The following MXI1 variants were observed in gnomAD, a reference collection of about 807,000 sequenced individuals.
MXI1 encodes max-interacting protein 1.
A neutral mutation model predicts 36.9 loss-of-function variants in MXI1; 18 were observed. That is an observed-to-expected ratio of 0.49 (90% CI 0.34 to 0.72). The LOEUF is 0.72. MXI1 is among the 30% of genes least tolerant of loss of function. MXI1 has a pLI of 0.01. For synonymous variants in MXI1, 160 were observed against 146.7 expected (o/e 1.09, Z -0.65); for missense variants, 304 against 379.1 (o/e 0.80, Z 1.64).
chr10:110,282,057 A>G (rs1469307034), intron 5 of MXI1, among the ~76,000 whole-genome samples: 1 of 152,154 alleles, frequency 6.6e-6, no homozygotes, highest in Non-Finnish European at 1.5e-5. Flanking sequence ...GGTTATCCTG[A>G]AATAAAGTTC....
At chr10:110,235,317 T>G (rs181997639) in intron 2 of MXI1, among the ~76,000 whole-genome samples, 92 of 152,292 alleles carry the variant, frequency 6.0e-4, no homozygotes, top group Admixed American at 8.5e-4. Flanking sequence ...CAGAAAAACA[T>G]TGATATTTTA....
At chr10:110,219,125 C>A (rs1854731230) in intron 1 of MXI1, among the ~76,000 whole-genome samples, 1 of 152,042 alleles carries the variant, frequency 6.6e-6, no homozygotes, top group African/African-American at 2.4e-5. Context: ...TATGGTGAAA[C>A]CCTGTCTCTA....
chr10:110,215,044 T>G (rs1187976296), intron 1 of MXI1, among the ~76,000 whole-genome samples: 5 of 52,306 alleles, frequency 9.6e-5, no homozygotes, highest in East Asian at 6.7e-4. Context: ...TTTTTTTTTG[T>G]TTTTTTTTTT....
intron 2 of MXI1, among the ~76,000 whole-genome samples, chr10:110,231,035 C>T (rs1855238656): frequency 6.6e-6 from 1 of 151,936 alleles, no homozygotes; most frequent in Non-Finnish European, 1.5e-5. Context: ...ACTATTTTAC[C>T]CCTGATATTC....
At chr10:110,262,598 A>AT (rs111344197) in intron 3 of MXI1, among the ~76,000 whole-genome samples, 7 of 151,888 alleles carry the variant, frequency 4.6e-5, no homozygotes, top group Non-Finnish European at 4.4e-5. Flanking sequence ...TTAAAAAAAG[A>AT]TTTTTTTTGA....
intron 2 of MXI1, among the ~76,000 whole-genome samples, chr10:110,231,605 A>C (rs974612945): frequency 7.9e-5 from 12 of 152,158 alleles, no homozygotes; most frequent in Non-Finnish European, 1.8e-4. Flanking sequence ...TAATTAAAAT[A>C]AATGCTTGAT....
chr10:110,271,225 A>C (rs1856842748), intron 3 of MXI1, among the ~76,000 whole-genome samples: 1 of 152,118 alleles, frequency 6.6e-6, no homozygotes, highest in South Asian at 2.1e-4. Flanking sequence ...GAAAAAAAAA[A>C]GGTTAAGAGT....
At chr10:110,284,095 A>G (rs1485795127) in intron 5 of MXI1, among the ~76,000 whole-genome samples, 1 of 151,416 alleles carries the variant, frequency 6.6e-6, no homozygotes, top group Non-Finnish European at 1.5e-5. Context: ...GTCCAGCAAC[A>G]TTATCTATTG....
rs1468868606 is a variant in MXI1, at chr10:110,287,290, A to ATTAAT, written c.*2306_*2310dup. 1 of 151,710 alleles carries ATTAAT rather than the reference A, an allele frequency of 6.6e-6. No individual in the cohort carries two copies. Among genetic ancestry groups the ATTAAT allele is most frequent in the African/African-American group, 2.4e-5 (1 of 41,286 alleles). The allele number at this position is 151,710 out of a possible 1,614,324, so 9.4% of individuals were successfully genotyped here. On this transcript the variant is annotated 3_prime_UTR_variant, in exon 6 of 6. Coordinates refer to ENST00000332674, the MANE Select transcript of MXI1 (RefSeq NM_130439.3). The stretch of plus-strand genomic sequence containing the variant: ...GGTGTAGATTGTATGAGTAAGAAGT[A>ATTAAT]TTAATTTTTTAAAAGACAAATCAAC...
chr10:110,273,248 C>T (rs1856918059), intron 3 of MXI1, among the ~76,000 whole-genome samples: 1 of 151,812 alleles, frequency 6.6e-6, no homozygotes, highest in Admixed American at 6.6e-5. Flanking sequence ...GGGGTTTCAC[C>T]GTGTTAGCCA....
intron 1 of MXI1, among the ~76,000 whole-genome samples, chr10:110,209,785 G>A (rs531211712): frequency 5.3e-5 from 8 of 152,268 alleles, no homozygotes; most frequent in African/African-American, 1.4e-4. Flanking sequence ...GTTGCAGGGG[G>A]GAGGGGCGCG....
At chr10:110,249,915 A>G (rs1239141803) in intron 3 of MXI1, among the ~76,000 whole-genome samples, 2 of 152,174 alleles carry the variant, frequency 1.3e-5, no homozygotes, top group Admixed American at 6.5e-5. Context: ...AATTCCAGAT[A>G]GCTATCTCAA....
intron 1 of MXI1, among the ~76,000 whole-genome samples, chr10:110,216,392 G>C (rs1287881919): frequency 6.6e-6 from 1 of 152,154 alleles, no homozygotes; most frequent in Non-Finnish European, 1.5e-5. Context: ...CACTGTGCTA[G>C]GTCTTGGAGG....
At chr10:110,274,466 C>A (rs1173761375) in intron 3 of MXI1, among the ~76,000 whole-genome samples, 7 of 152,198 alleles carry the variant, frequency 4.6e-5, no homozygotes, top group South Asian at 4.1e-4. Context: ...CTTCCTGCTG[C>A]AGTACCTAAT....
chr10:110,280,911 C>G (rs901082561), intron 5 of MXI1, among the ~76,000 whole-genome samples: 1 of 152,130 alleles, frequency 6.6e-6, no homozygotes, highest in Non-Finnish European at 1.5e-5. Context: ...GATTGTTCTT[C>G]CCAAAGCTTC....
rs1423030973 is a variant in MXI1 at position 110,233,206 on chromosome 10, T to C, written c.407+4885T>C. 5.3e-5 allele frequency among the ~76,000 whole-genome samples: 8 copies of C among 152,282 alleles called. No homozygotes were observed. The East Asian group carries it at 1.5e-3, about 29-fold the overall frequency. ...ATTGAGGACACTAAAAAACAACTTT[T>C]CTGTTGTTTATAAGGCTTTAGTTTA... On this transcript the variant is annotated intron_variant, in intron 2 of 5. Coordinates refer to ENST00000332674, the MANE Select transcript of MXI1 (RefSeq NM_130439.3).
chr10:110,247,088 C>G (rs988402313), intron 3 of MXI1, among the ~76,000 whole-genome samples: 2 of 152,116 alleles, frequency 1.3e-5, no homozygotes, highest in African/African-American at 4.8e-5. Context: ...GGACTAGGGA[C>G]TCTCTTTAGT....
chr10:110,252,350 C>A lies in MXI1; in HGVS notation c.437+7493C>A, dbSNP rs73356736. Among the ~76,000 whole-genome samples, 1,388 of 152,248 alleles carry A rather than the reference C, an allele frequency of 9.1e-3. 16 individuals are homozygous for A. Among genetic ancestry groups the A allele is most frequent in the East Asian group, 0.026 (137 of 5,184 alleles). On this transcript the variant is annotated intron_variant, in intron 3 of 5. Coordinates refer to ENST00000332674, the MANE Select transcript of MXI1 (RefSeq NM_130439.3). ...GCTTCTCACTACAATTAGATAAAAT[C>A]TGTGGCCTACAAAGTGCACCACTCT...
chr10:110,285,408 CTA>C lies in MXI1; in HGVS notation c.*423_*424del, dbSNP rs940313468. On this transcript the variant is annotated 3_prime_UTR_variant, in exon 6 of 6. Transcript: ENST00000332674. Reference sequence around the variant, plus strand: ...TATGGTCCTAAAAGCAAAATAAAAACTATTCGAATGAAAAGACAAGAAAATCA... The same window carrying C: ...TATGGTCCTAAAAGCAAAATAAAAACTTCGAATGAAAAGACAAGAAAATCA... 6.5e-6 allele frequency: 1 copy of C among 154,454 alleles called. No homozygotes were observed. Among genetic ancestry groups the C allele is most frequent in the African/African-American group, 2.4e-5 (1 of 41,482 alleles). 9.6% of individuals were successfully genotyped at this position (154,454 alleles called of 1,614,324 possible). A position where few individuals can be genotyped will look rare whatever the true frequency, so the allele number is the denominator to read the frequency against.
Sources: gnomAD v4.1 joint callset for allele counts (sites outside exome capture counted in the v4.1 genomes callset) on GRCh38, gnomAD v4.1.1 for gene constraint, MANE v1.5 for transcripts, NCBI Gene and HGNC (gene_info 2026-07-23, HGNC 2026-07-21) for gene names.